FANCI: variants seen among roughly 807,000 people sequenced by gnomAD.
FANCI encodes the protein FA complementation group I, also known as Fanconi anemia group I protein.
In FANCI, 156 loss-of-function variants were observed where a neutral mutation model predicts 176.1. That is an observed-to-expected ratio of 0.89 (90% CI 0.78 to 1.01). The LOEUF is 1.01. Among genes scored for constraint, FANCI ranks in the 50% least tolerant of loss-of-function variants. FANCI has a pLI of 0.00. For synonymous variants in FANCI, 613 were observed against 541.7 expected (o/e 1.13, Z -1.83); for missense variants, 1,678 against 1,534.1 (o/e 1.09, Z -1.57).
intron 9 of FANCI, among the ~76,000 whole-genome samples, chr15:89,268,123 G>T (rs984049002): frequency 1.3e-5 from 2 of 152,080 alleles, no homozygotes; most frequent in African/African-American, 2.4e-5. Context: ...TTGAGACAGG[G>T]TCTCTCTGTT....
At chr15:89,273,640 GA>G in intron 11 of FANCI, among the ~76,000 whole-genome samples, 171 bp downstream of exon 11, 1 of 152,220 alleles carries the variant, frequency 6.6e-6, no homozygotes, top group South Asian at 2.1e-4. Context: ...GTTCTCTGGG[GA>G]TTGATGGAAA....
intron 2 of FANCI, among the ~76,000 whole-genome samples, chr15:89,251,237 C>T (rs1434085490): frequency 6.6e-6 from 1 of 152,080 alleles, no homozygotes; most frequent in Non-Finnish European, 1.5e-5. Context: ...TAGGCACGTA[C>T]AGTTTAATAA....
chr15:89,293,526 A>G (rs1321097330), intron 22 of FANCI, among the ~76,000 whole-genome samples: 1 of 152,112 alleles, frequency 6.6e-6, no homozygotes, highest in Non-Finnish European at 1.5e-5. Context: ...ATCTCTACTA[A>G]TAATGTAAAA....
intron 34 of FANCI, among the ~76,000 whole-genome samples, chr15:89,310,204 A>G (rs370453894): frequency 1.3e-5 from 2 of 152,172 alleles, no homozygotes; most frequent in African/African-American, 4.8e-5. Flanking sequence ...CACCTACTCA[A>G]CTCTACTATT....
At chr15:89,315,491 A>G in intron 37 of FANCI, 102 bp downstream of exon 37, 1 of 785,150 alleles carries the variant, frequency 1.3e-6, no homozygotes, top group East Asian at 2.6e-5. Context: ...AGAATGGGAA[A>G]GGGCTAAAAG....
intron 32 of FANCI, among the ~76,000 whole-genome samples, chr15:89,306,606 C>T (rs1357956405): frequency 5.9e-5 from 9 of 151,860 alleles, no homozygotes; most frequent in African/African-American, 7.3e-5. Context: ...GCAGGAGAAT[C>T]GCTTGAACCC....
rs1596321820 is a variant in FANCI at position 89,303,506 on chromosome 15, T to C, written c.3007-358T>C. Among the ~76,000 whole-genome samples, 3 of 152,328 alleles carry C rather than the reference T, an allele frequency of 2.0e-5. No individual in the cohort carries two copies. The East Asian group carries it at 5.8e-4, about 29-fold the overall frequency. ...AGCTAGGTTTTCTCTTTCCCACACC[T>C]TTCTGATAACCTAATATCCTCAAGT... On this transcript the variant is annotated intron_variant, in intron 27 of 37. Transcript: ENST00000310775.
Position 89,316,975 on chromosome 15 carries a change from G to A in FANCI, c.*516G>A, listed in dbSNP as rs1384473388. 4 of 687,488 alleles carry A rather than the reference G, an allele frequency of 5.8e-6. No individual in the cohort carries two copies. The highest frequency in any genetic ancestry group is 5.4e-5 in the African/African-American group (3 of 55,750). The allele number at this position is 687,488 out of a possible 1,614,324, so 42.6% of individuals were successfully genotyped here. On this transcript the variant is annotated 3_prime_UTR_variant, in exon 38 of 38. Transcript: ENST00000310775. ...CGAACGGTAATGTTACATGTTAGGA[G>A]GGTCTGTTTTCTTTTTATATAAGTG...
At position 89,263,470 on chromosome 15, in the gene FANCI, A is replaced by G; in HGVS notation, c.545+10A>G. The G allele has an allele frequency of 6.2e-7, 1 of 1,610,058 alleles. No individual in the cohort carries two copies. Among genetic ancestry groups the G allele is most frequent in the Non-Finnish European group, 8.5e-7 (1 of 1,176,428 alleles). ...TCACCTCCATGTTCAAGTAAGCATC[A>G]TCTTTTCCCTTTTCTTTGTGTATCC... On this transcript the variant is annotated intron_variant, in intron 7 of 37. Transcript: ENST00000310775.
chr15:89,266,144 G>A (rs928885414), intron 9 of FANCI, among the ~76,000 whole-genome samples: 1 of 148,514 alleles, frequency 6.7e-6, no homozygotes, highest in Non-Finnish European at 1.5e-5. Context: ...CTATAGGCAC[G>A]TGACACCAAG....
intron 35 of FANCI, among the ~76,000 whole-genome samples, chr15:89,313,855 GATA>G (rs1463464593): frequency 6.6e-6 from 1 of 151,490 alleles, no homozygotes; most frequent in East Asian, 1.9e-4. Context: ...TTATCTCCAA[GATA>G]ATGTTAAAAA....
chr15:89,315,288 C>G lies in FANCI; in HGVS notation c.3823C>G (p.Leu1275Val). The change falls in exon 37 of 38, where the codon CTG becomes GTG. Residue 1275 changes from leucine (L) to valine (V), a missense_variant. Physicochemically the swap from Leu to Val is conservative, Grantham distance 32. This residue lies in a region of FANCI where 1,204 missense variants were observed against 1,077.4 expected (regional missense o/e 1.12). Transcript: ENST00000310775. ...GCTTACAATCTTGTCATAGGTGAAC[C>G]TGATGCAGCACATGAAGCTCAGCAC... is the stretch of plus-strand genomic sequence containing the variant. ...IHLSKKSKVN[L>V]MQHMKLSTSR... The G allele has an allele frequency of 7.4e-6, 12 of 1,612,408 alleles. No homozygotes were observed. Among genetic ancestry groups the G allele is most frequent in the Non-Finnish European group, 9.3e-6 (11 of 1,178,498 alleles).
At chr15:89,249,887 G>T (rs1436898182) in intron 2 of FANCI, among the ~76,000 whole-genome samples, 1 of 152,146 alleles carries the variant, frequency 6.6e-6, no homozygotes, top group East Asian at 1.9e-4. Flanking sequence ...TATATGCAGA[G>T]AACTTTGATA....
intron 15 of FANCI, 131 bp downstream of exon 15, chr15:89,281,431 G>T: frequency 8.6e-7 from 1 of 1,164,988 alleles, no homozygotes; most frequent in South Asian, 1.3e-5. Context: ...CATAAAATTT[G>T]CATTAAAAGG....
intron 1 of FANCI, chr15:89,245,177 CTTTTT>C (rs71149284): frequency 7.3e-6 from 1 of 137,852 alleles, no homozygotes; most frequent in African/African-American, 3.1e-5. Flanking sequence ...CTTTTCTTTT[CTTTTT>C]TTTTTGAGAC....
intron 27 of FANCI, among the ~76,000 whole-genome samples, chr15:89,302,915 T>C (rs2054580276): frequency 6.6e-6 from 1 of 152,176 alleles, no homozygotes. Context: ...TAAAGTCCTA[T>C]GATTTGAAAA....
chr15:89,305,747 A>G, intron 31 of FANCI, 49 bp downstream of exon 31: 1 of 1,568,678 alleles, frequency 6.4e-7, no homozygotes, highest in Non-Finnish European at 8.8e-7. Context: ...AGCAAGGTCA[A>G]AATTCATATT....
chr15:89,264,134 T>C, intron 8 of FANCI, 108 bp downstream of exon 8: 1 of 1,244,542 alleles, frequency 8.0e-7, no homozygotes. Context: ...TAGCCGAACA[T>C]AGATGCTTTC....
intron 36 of FANCI, 143 bp downstream of exon 36, chr15:89,314,850 T>A (rs1277647775): frequency 5.8e-5 from 17 of 290,672 alleles, no homozygotes; most frequent in Non-Finnish European, 6.6e-5. Flanking sequence ...CCCCCCCCCC[T>A]TTTTTTTTTT....
Sources: gnomAD v4.1 joint callset for allele counts (sites outside exome capture counted in the v4.1 genomes callset) on GRCh38, gnomAD v4.1.1 for gene constraint, gnomAD v4.1.1 regional missense constraint, MANE v1.5 for transcripts, NCBI Gene and HGNC (gene_info 2026-07-23, HGNC 2026-07-21) for gene names.